GREB1: variants seen among roughly 807,000 people sequenced by gnomAD.
GREB1 encodes the protein protein GREB1.
In GREB1, 106 loss-of-function variants were observed where a neutral mutation model predicts 200.7. The observed-to-expected ratio is 0.53, with a 90% CI of 0.45 to 0.62. The LOEUF is 0.62. GREB1 is among the 20% of genes least tolerant of loss of function. The probability of loss-of-function intolerance (pLI) is 0.00; values close to 1 mark genes in which losing one functional copy is unlikely to be tolerated. For missense variants in GREB1, 2,243 were observed against 2,556.8 expected, an observed-to-expected ratio of 0.88 and a Z score of 2.65; for synonymous variants, 1,132 against 1,092.4, an observed-to-expected ratio of 1.04 and a Z score of -0.72.
At chr2:11,566,811 C>A (rs570184887) in intron 4 of GREB1, among the ~76,000 whole-genome samples, 155 bp downstream of exon 4, 24 of 152,268 alleles carry the variant, frequency 1.6e-4, no homozygotes, top group African/African-American at 5.5e-4. Flanking sequence ...TAGATGAGTT[C>A]TTTGTGGAAT....
chr2:11,587,374 C>G (rs1297148046), intron 9 of GREB1: 15 of 1,602,376 alleles, frequency 9.4e-6, no homozygotes, highest in Non-Finnish European at 1.3e-5. Flanking sequence ...GCCTCTTGCC[C>G]ACTGCAGTAT....
At position 11,492,291 on chromosome 2, in the gene GREB1, C is replaced by A. The variant is rs1489902522; in HGVS notation, c.-159+9910C>A. On this transcript the variant is annotated intron_variant, in intron 1 of 2. Coordinates refer to the GREB1 transcript ENST00000628795. This position sits in a 1 kb window ranked among gnomAD's most constrained non-coding sequence, Gnocchi z 4.0. ...CATTTGGCTAAGTCTGAAGTTAGGA[C>A]AAAAACATCCCTCATTCTTTCTTCT... is the stretch of plus-strand genomic sequence containing the variant. Among the ~76,000 whole-genome samples the A allele has an allele frequency of 1.3e-5, 2 of 152,228 alleles. No individual in the cohort carries two copies. Among genetic ancestry groups the A allele is most frequent in the Admixed American group, 1.3e-4 (2 of 15,282 alleles).
At chr2:11,610,117 A>T (rs576520043) in intron 17 of GREB1, among the ~76,000 whole-genome samples, 2 of 152,298 alleles carry the variant, frequency 1.3e-5, no homozygotes, top group African/African-American at 4.8e-5. Flanking sequence ...ACAGTTTCTG[A>T]AGCAAAAACT....
rs139492117 is a variant in GREB1 at position 11,494,952 on chromosome 2, G to A, written c.-159+12571G>A. Among the ~76,000 whole-genome samples the A allele has an allele frequency of 8.1e-4, 123 of 152,276 alleles. 1 individual carries two copies. Among genetic ancestry groups the A allele is most frequent in the African/African-American group, 2.8e-3 (115 of 41,554 alleles). On this transcript the variant is annotated intron_variant, in intron 1 of 2. Coordinates refer to the GREB1 transcript ENST00000628795. Reference sequence around the variant, plus strand: ...GGGCCTGGCCTCAGAGGTGCTCACCGTTGGTGGTGTTCAGTTTTCATGGCT... The same window carrying A: ...GGGCCTGGCCTCAGAGGTGCTCACCATTGGTGGTGTTCAGTTTTCATGGCT...
At chr2:11,612,687 G>A in intron 19 of GREB1, 77 bp downstream of exon 19, 1 of 904,334 alleles carries the variant, frequency 1.1e-6, no homozygotes, top group Non-Finnish European at 1.8e-6. Flanking sequence ...ATGTCAGGGG[G>A]GCTGCTGTGC....
At chr2:11,560,848 C>T (rs548182216) in intron 2 of GREB1, among the ~76,000 whole-genome samples, 2 of 152,230 alleles carry the variant, frequency 1.3e-5, no homozygotes, top group South Asian at 4.2e-4. Flanking sequence ...GATTTTTACC[C>T]CAAATGTCTA....
intron 1 of GREB1, among the ~76,000 whole-genome samples, chr2:11,487,800 A>G (rs7590419): frequency 0.44 from 66,387 of 151,976 alleles, 14,857 homozygotes; most frequent in Middle Eastern, 0.55. Flanking sequence ...AATCCAAGAC[A>G]TTATATCATT....
intron 4 of GREB1, among the ~76,000 whole-genome samples, chr2:11,567,617 C>A (rs1677805431): frequency 1.3e-5 from 2 of 152,188 alleles, no homozygotes; most frequent in Admixed American, 1.3e-4. Context: ...CACCGTTTTC[C>A]CTTCCAGCCA....
At chr2:11,575,064 C>A (rs1176734053) in intron 4 of GREB1, among the ~76,000 whole-genome samples, 1 of 152,224 alleles carries the variant, frequency 6.6e-6, no homozygotes, top group Non-Finnish European at 1.5e-5. Flanking sequence ...ATGTTTTTAA[C>A]CTTCACTAAC....
Position 11,547,873 on chromosome 2 carries a change from T to C in GREB1, c.-161-8581T>C, listed in dbSNP as rs187852954. 1.5e-3 allele frequency among the ~76,000 whole-genome samples: 233 copies of C among 152,322 alleles called. 1 individual carries two copies. The highest frequency in any genetic ancestry group is 5.2e-3 in the African/African-American group (215 of 41,572). On this transcript the variant is annotated intron_variant, in intron 1 of 32. Transcript: ENST00000381486. ...GAGAATTTAGCTTTCTTATAGCTCT[T>C]TCCTTCTACCCCAAGAACACACTGT...
intron 21 of GREB1, among the ~76,000 whole-genome samples, chr2:11,617,876 G>A (rs534450014): frequency 1.4e-4 from 22 of 152,236 alleles, no homozygotes; most frequent in Admixed American, 1.2e-3. Context: ...CACCTCCTGC[G>A]CCTGTGCACA....
chr2:11,515,457 G>C (rs940389615), intron 1 of GREB1, among the ~76,000 whole-genome samples: 1 of 152,238 alleles, frequency 6.6e-6, no homozygotes, highest in South Asian at 2.1e-4. Flanking sequence ...CTTGAATAAT[G>C]TAGACGTGAG....
intron 11 of GREB1, among the ~76,000 whole-genome samples, chr2:11,594,895 C>T (rs1681067012): frequency 2.0e-5 from 3 of 151,814 alleles, no homozygotes; most frequent in East Asian, 3.9e-4. Context: ...GGGGTTTCAC[C>T]GTGTTAGCCA....
At chr2:11,504,186 C>T (rs929878990) in intron 1 of GREB1, among the ~76,000 whole-genome samples, 3 of 152,134 alleles carry the variant, frequency 2.0e-5, no homozygotes, top group African/African-American at 7.2e-5. Context: ...TGGGTGGTGT[C>T]CACACTGTGG....
At chr2:11,585,624 T>C in intron 8 of GREB1, 138 bp from the exon 9 acceptor site, 1 of 857,056 alleles carries the variant, frequency 1.2e-6, no homozygotes, top group Non-Finnish European at 1.8e-6. Context: ...TAGGAATCTG[T>C]GACTCTAAGA....
At chr2:11,639,369 G>T (rs904551252) in intron 32 of GREB1, among the ~76,000 whole-genome samples, 6 of 152,180 alleles carry the variant, frequency 3.9e-5, no homozygotes, top group African/African-American at 1.4e-4. Flanking sequence ...GATTACCGGC[G>T]TGAGCCACCG....
intron 4 of GREB1, 23 bp downstream of exon 4, chr2:11,566,679 C>T: frequency 6.3e-7 from 1 of 1,591,440 alleles, no homozygotes; most frequent in East Asian, 2.2e-5. Context: ...TTGTCATCCT[C>T]TGTGGCTCCT....
At chr2:11,520,902 T>C (rs926036288) in intron 1 of GREB1, among the ~76,000 whole-genome samples, 2 of 152,162 alleles carry the variant, frequency 1.3e-5, no homozygotes, top group African/African-American at 4.8e-5. Context: ...CTCTTACAGA[T>C]GAGGCAGCTG....
intron 23 of GREB1, 136 bp from the exon 24 acceptor site, chr2:11,625,018 C>T: frequency 4.1e-6 from 3 of 727,434 alleles, no homozygotes; most frequent in South Asian, 3.3e-5. Flanking sequence ...TAAGTGCACT[C>T]TAGGATGTTA....
Sources: gnomAD v4.1 joint callset for allele counts (sites outside exome capture counted in the v4.1 genomes callset) on GRCh38, gnomAD v4.1.1 for gene constraint, Gnocchi (gnomAD v3.1) non-coding constraint, MANE v1.5 for transcripts, NCBI Gene and HGNC (gene_info 2026-07-23, HGNC 2026-07-21) for gene names.